The following ACTR3 variants were observed in gnomAD, a reference collection of about 807,000 sequenced individuals.
The protein encoded by ACTR3 is actin related protein 3, also known as actin-related protein 3.
ACTR3 carries 12 observed loss-of-function variants against 56.8 expected under a neutral mutation model. The ratio of observed to expected loss-of-function variants is 0.21; its 90% CI spans 0.14 to 0.34. The LOEUF (loss-of-function observed/expected upper bound fraction) is 0.34. Ranked by LOEUF, ACTR3 falls within the 10% of genes least tolerant of loss-of-function variation. The pLI, the probability that ACTR3 is intolerant of heterozygous loss-of-function variation, is 1.00. For synonymous variants in ACTR3, 162 were observed against 167.4 expected (o/e 0.97, Z 0.25); for missense variants, 282 against 512.5 (o/e 0.55, Z 4.34).
chr2:113,890,809 T>G, intron 1 of ACTR3: 1 of 996,750 alleles, frequency 1.0e-6, no homozygotes, highest in Non-Finnish European at 1.2e-6. Flanking sequence ...GTGACAACAT[T>G]CTGCCCAGGG....
intron 8 of ACTR3, among the ~76,000 whole-genome samples, chr2:113,942,972 T>C: frequency 6.6e-6 from 1 of 152,242 alleles, no homozygotes; most frequent in Admixed American, 6.5e-5. Context: ...ATAGTTATTT[T>C]TAAAATTTTG....
intron 7 of ACTR3, 42 bp from the exon 8 acceptor site, chr2:113,942,144 A>G (rs767586122): frequency 2.7e-6 from 4 of 1,497,930 alleles, no homozygotes; most frequent in East Asian, 5.0e-5. Flanking sequence ...TACTGTTCCT[A>G]TAATAAGCAA....
chr2:113,954,543 A>G (rs1680175329), intron 10 of ACTR3: 1 of 150,840 alleles, frequency 6.6e-6, no homozygotes, highest in South Asian at 2.1e-4. Flanking sequence ...TAATATCATA[A>G]TATCAGTAAT....
chr2:113,952,381 T>C (rs988016443), intron 10 of ACTR3: 5 of 152,258 alleles, frequency 3.3e-5, no homozygotes. Context: ...AATTCTTAGA[T>C]GTCTACTTTC....
intron 3 of ACTR3, among the ~76,000 whole-genome samples, chr2:113,918,459 C>G (rs1265066799): frequency 6.6e-6 from 1 of 151,050 alleles, no homozygotes; most frequent in Admixed American, 6.6e-5. Flanking sequence ...ACATGACTCA[C>G]TGCAGCCTTG....
chr2:113,931,457 C>A, intron 5 of ACTR3, 61 bp downstream of exon 5: 5 of 1,158,322 alleles, frequency 4.3e-6, no homozygotes, highest in South Asian at 3.4e-5. Flanking sequence ...TAATTTGCTG[C>A]CTAAAATACG....
chr2:113,932,128 A>G (rs986533050), intron 5 of ACTR3, among the ~76,000 whole-genome samples: 3 of 152,196 alleles, frequency 2.0e-5, no homozygotes, highest in African/African-American at 7.2e-5. Context: ...TTGTAACTCC[A>G]CGGTACACAG....
At chr2:113,956,063 T>A (rs948547332) in intron 11 of ACTR3, among the ~76,000 whole-genome samples, 1 of 151,994 alleles carries the variant, frequency 6.6e-6, no homozygotes, top group Non-Finnish European at 1.5e-5. Flanking sequence ...ATTATTATTA[T>A]TATTTTTTAT....
intron 3 of ACTR3, among the ~76,000 whole-genome samples, chr2:113,921,691 T>C (rs888921322): frequency 2.0e-5 from 3 of 152,198 alleles, no homozygotes; most frequent in Non-Finnish European, 4.4e-5. Context: ...GAAACACTTT[T>C]GACTGGGTAG....
At chr2:113,924,990 G>A (rs967818778) in intron 3 of ACTR3, among the ~76,000 whole-genome samples, 3 of 151,808 alleles carry the variant, frequency 2.0e-5, no homozygotes, top group Non-Finnish European at 4.4e-5. Context: ...TCTGACTCCT[G>A]GGTTCAAGAG....
chr2:113,928,835 A>C (rs1679666395), intron 4 of ACTR3, among the ~76,000 whole-genome samples: 1 of 152,202 alleles, frequency 6.6e-6, no homozygotes. Context: ...AGAAATTACT[A>C]TCAGCGTGGA....
chr2:113,944,395 G>A (rs111489544), intron 8 of ACTR3, among the ~76,000 whole-genome samples: 1 of 151,908 alleles, frequency 6.6e-6, no homozygotes, highest in African/African-American at 2.4e-5. Flanking sequence ...GAACTAGGAA[G>A]GGCAGAAGCA....
intron 10 of ACTR3, chr2:113,952,639 A>G (rs1434529728): frequency 6.6e-6 from 1 of 152,122 alleles, no homozygotes; most frequent in Non-Finnish European, 1.5e-5. Context: ...AAATTGCATG[A>G]TGGCTGACTG....
At chr2:113,920,871 G>T (rs570692688) in intron 3 of ACTR3, among the ~76,000 whole-genome samples, 1 of 152,124 alleles carries the variant, frequency 6.6e-6, no homozygotes, top group African/African-American at 2.4e-5. Context: ...ACACATATCC[G>T]TATGGACACT....
Position 113,951,518 on chromosome 2 carries a change from G to C in ACTR3, c.898G>C (p.Val300Leu). Residue 300 changes from valine to leucine, a missense_variant, in exon 9 of 12, where the codon GTA becomes CTA. Coordinates refer to ENST00000263238, the MANE Select transcript of ACTR3 (RefSeq NM_005721.5). ...PDFTQPISEV[V>L]DEVIQNCPID... is the part of the protein sequence containing the mutation. ...CTTTACACAACCTATCTCAGAAGTT[G>C]TAGATGAAGTAATTCAGAATTGTCC... 1.2e-6 allele frequency: 2 copies of C among 1,613,050 alleles called. No homozygotes were observed. The highest frequency in any genetic ancestry group is 1.7e-6 in the Non-Finnish European group (2 of 1,179,268).
chr2:113,947,587 C>A (rs928511513), intron 8 of ACTR3, among the ~76,000 whole-genome samples: 4 of 152,118 alleles, frequency 2.6e-5, no homozygotes, highest in African/African-American at 9.7e-5. Context: ...CCAGGAGGTC[C>A]AGGCTGCAAC....
chr2:113,920,899 T>C (rs193296739), intron 3 of ACTR3, among the ~76,000 whole-genome samples: 2 of 152,318 alleles, frequency 1.3e-5, no homozygotes, highest in East Asian at 3.9e-4. Context: ...ATTTCATATT[T>C]TGGCTATTGT....
Position 113,959,273 on chromosome 2 carries a change from A to C in ACTR3, c.*1818A>C, listed in dbSNP as rs1680279971. 1 of 152,024 alleles carries C rather than the reference A, an allele frequency of 6.6e-6. No individual in the cohort carries two copies. The highest frequency in any genetic ancestry group is 2.1e-4 in the South Asian group (1 of 4,832). 9.4% of individuals were successfully genotyped at this position (152,024 alleles called of 1,614,324 possible). A position where few individuals can be genotyped will look rare whatever the true frequency, so the allele number is the denominator to read the frequency against. On this transcript the variant is annotated 3_prime_UTR_variant, in exon 12 of 12. Transcript: ENST00000263238. ...TCTTATTTTACACAAATAGGAACTT[A>C]CTGTATATACTGTTCTGCACTTTGC...
At chr2:113,910,170 G>A (rs891898001) in intron 1 of ACTR3, among the ~76,000 whole-genome samples, 3 of 152,096 alleles carry the variant, frequency 2.0e-5, no homozygotes, top group African/African-American at 7.2e-5. Flanking sequence ...CAACCACTGG[G>A]GCTGAAGGTT....
Sources: allele counts gnomAD v4.1 joint callset (sites outside exome capture counted in the v4.1 genomes callset), GRCh38; gene constraint gnomAD v4.1.1; transcripts MANE v1.5; gene names NCBI Gene and HGNC (gene_info 2026-07-23, HGNC 2026-07-21).